The following PTPN9 variants were observed in gnomAD, a reference collection of about 807,000 sequenced individuals.
The protein encoded by PTPN9 is protein tyrosine phosphatase non-receptor type 9.
PTPN9 carries 26 observed loss-of-function variants against 69.8 expected under a neutral mutation model. That is an observed-to-expected ratio of 0.37 (90% confidence interval 0.27 to 0.52). The LOEUF is 0.52. Among genes scored for constraint, PTPN9 ranks in the 20% least tolerant of loss-of-function variants. PTPN9 has a pLI of 0.91. For synonymous variants in PTPN9, 274 were observed against 272.5 expected, an observed-to-expected ratio of 1.01 and a Z score of -0.05; for missense variants, 549 against 740.3, an observed-to-expected ratio of 0.74 and a Z score of 3.00.
chr15:75,544,391 C>T (rs2075022284), intron 1 of PTPN9, among the ~76,000 whole-genome samples: 1 of 152,042 alleles, frequency 6.6e-6, no homozygotes, highest in African/African-American at 2.4e-5. Context: ...ATAAATTAGC[C>T]GGGTGTGGCA....
At chr15:75,482,168 G>T (rs1478531053) in intron 8 of PTPN9, among the ~76,000 whole-genome samples, 3 of 151,724 alleles carry the variant, frequency 2.0e-5, no homozygotes, top group Admixed American at 6.6e-5. Flanking sequence ...CCCCAACCCT[G>T]TGCTCTCTGA....
chr15:75,476,718 A>C (rs1349936026), intron 9 of PTPN9, among the ~76,000 whole-genome samples: 1 of 152,174 alleles, frequency 6.6e-6, no homozygotes, highest in Admixed American at 6.5e-5. Context: ...TAGGGTTATG[A>C]GGGATTATTT....
At chr15:75,495,672 G>A (rs1031707481) in intron 7 of PTPN9, among the ~76,000 whole-genome samples, 5 of 152,038 alleles carry the variant, frequency 3.3e-5, no homozygotes, top group South Asian at 2.1e-4. Flanking sequence ...AGCCGAGATC[G>A]CGCCACTACA....
At chr15:75,486,616 G>A (rs2074679116) in intron 8 of PTPN9, among the ~76,000 whole-genome samples, 1 of 151,984 alleles carries the variant, frequency 6.6e-6, no homozygotes, top group Admixed American at 6.6e-5. Context: ...ACAGAAACTG[G>A]GACTAATAGC....
intron 1 of PTPN9, among the ~76,000 whole-genome samples, chr15:75,541,231 G>A (rs2075007030): frequency 6.6e-6 from 1 of 151,096 alleles, no homozygotes; most frequent in Non-Finnish European, 1.5e-5. Flanking sequence ...GGAACTACAG[G>A]TGTGTGCCAC....
Position 75,575,010 on chromosome 15 carries a change from G to GTT in PTPN9, c.63+3703_63+3704insAA. Among the ~76,000 whole-genome samples, 9 of 15,768 alleles carry GTT rather than the reference G, an allele frequency of 5.7e-4. 4 individuals carry two copies. Among genetic ancestry groups the GTT allele is most frequent in the East Asian group, 4.4e-3 (2 of 456 alleles). 10.3% of individuals were successfully genotyped at this position (15,768 alleles called of 152,430 possible). A position where few individuals can be genotyped will look rare whatever the true frequency, so the allele number is the denominator to read the frequency against. On this transcript the variant is annotated intron_variant, in intron 1 of 12. Coordinates refer to ENST00000618819, the MANE Select transcript of PTPN9 (RefSeq NM_002833.4). The stretch of plus-strand genomic sequence containing the variant: ...TTTTTTTTTTTTTTTTTGAGACAGA[G>GTT]GAGACGGAGTCTCGCTCTGTCGGCG...
chr15:75,509,463 T>C (rs2074835692), intron 5 of PTPN9, among the ~76,000 whole-genome samples: 1 of 152,102 alleles, frequency 6.6e-6, no homozygotes, highest in Admixed American at 6.5e-5. Context: ...CCGAGGTGGG[T>C]GGATCACCAG....
intron 1 of PTPN9, among the ~76,000 whole-genome samples, chr15:75,541,662 T>C (rs1028897880): frequency 2.0e-5 from 3 of 152,002 alleles, no homozygotes; most frequent in Non-Finnish European, 2.9e-5. Flanking sequence ...TGCCTCAGCC[T>C]CTCAAAGTGC....
chr15:75,502,975 T>C (rs2074782184), intron 7 of PTPN9, among the ~76,000 whole-genome samples: 2 of 152,214 alleles, frequency 1.3e-5, no homozygotes, highest in East Asian at 1.9e-4. Context: ...TGGCGTGATC[T>C]CAGCTCACTA....
intron 1 of PTPN9, among the ~76,000 whole-genome samples, chr15:75,538,912 G>A (rs1215159622): frequency 6.6e-6 from 1 of 152,080 alleles, no homozygotes; most frequent in Non-Finnish European, 1.5e-5. Context: ...CTTCACACCT[G>A]TAACCCCAAC....
chr15:75,555,003 G>C (rs902636995), intron 1 of PTPN9, among the ~76,000 whole-genome samples: 2 of 152,186 alleles, frequency 1.3e-5, no homozygotes, highest in Admixed American at 1.3e-4. Flanking sequence ...CATCTCTCTA[G>C]GGAATGCCAT....
chr15:75,501,922 T>C (rs922453053), intron 7 of PTPN9, among the ~76,000 whole-genome samples: 2 of 150,182 alleles, frequency 1.3e-5, no homozygotes, highest in African/African-American at 4.9e-5. Flanking sequence ...CTTTGGGAGG[T>C]TGAGGCAGGA....
At chr15:75,552,131 G>A (rs2075059013) in intron 1 of PTPN9, among the ~76,000 whole-genome samples, 1 of 152,088 alleles carries the variant, frequency 6.6e-6, no homozygotes, top group African/African-American at 2.4e-5. Context: ...GGGCACGGCG[G>A]CTCACGTCTG....
intron 10 of PTPN9, among the ~76,000 whole-genome samples, chr15:75,471,359 C>T (rs2074563815): frequency 6.6e-6 from 1 of 152,058 alleles, no homozygotes; most frequent in African/African-American, 2.4e-5. Context: ...CTGATAAACA[C>T]ACATCTACTG....
chr15:75,482,118 A>G (rs1366607025), intron 8 of PTPN9, among the ~76,000 whole-genome samples: 1 of 151,404 alleles, frequency 6.6e-6, no homozygotes, highest in African/African-American at 2.4e-5. Flanking sequence ...CACTAAGAAA[A>G]ATTCCTCTGC....
chr15:75,500,522 A>C (rs746873367), intron 7 of PTPN9, among the ~76,000 whole-genome samples: 5 of 152,102 alleles, frequency 3.3e-5, no homozygotes, highest in Non-Finnish European at 7.3e-5. Context: ...TGGGTGATGG[A>C]GTGAGACTGT....
intron 10 of PTPN9, among the ~76,000 whole-genome samples, chr15:75,473,061 TC>T (rs2074576881): frequency 1.3e-5 from 2 of 152,034 alleles, no homozygotes; most frequent in South Asian, 4.1e-4. Flanking sequence ...AGGAGAATTG[TC>T]CCATGTTTCC....
At chr15:75,488,682 T>A (rs902167773) in intron 8 of PTPN9, among the ~76,000 whole-genome samples, 2 of 151,968 alleles carry the variant, frequency 1.3e-5, no homozygotes, top group Non-Finnish European at 2.9e-5. Context: ...TAGTCTCAGC[T>A]ACTTGGGAGG....
At chr15:75,568,937 C>T (rs1202933982) in intron 1 of PTPN9, among the ~76,000 whole-genome samples, 1 of 152,154 alleles carries the variant, frequency 6.6e-6, no homozygotes, top group Non-Finnish European at 1.5e-5. Context: ...GGGCTGATGC[C>T]AGGCCCTCCA....
Sources: gnomAD v4.1 joint callset for allele counts (sites outside exome capture counted in the v4.1 genomes callset) on GRCh38, gnomAD v4.1.1 for gene constraint, MANE v1.5 for transcripts, NCBI Gene and HGNC (gene_info 2026-07-23, HGNC 2026-07-21) for gene names.